STAB1: variants seen among roughly 807,000 people sequenced by gnomAD.
STAB1 encodes stabilin 1.
Under a neutral mutation model 332.4 loss-of-function variants are expected in STAB1, and 250 were observed. The observed-to-expected ratio is 0.75, with a 90% CI of 0.68 to 0.84. The LOEUF (loss-of-function observed/expected upper bound fraction) is 0.84, where lower values mean the gene tolerates loss of function less well. Among genes scored for constraint, STAB1 ranks in the 40% least tolerant of loss-of-function variants. The pLI is 0.00. For synonymous variants in STAB1, 1,475 were observed against 1,390.4 expected (o/e 1.06, Z -1.35); for missense variants, 3,249 against 3,489.7 (o/e 0.93, Z 1.74).
rs754763020 is a variant in STAB1, at chr3:52,517,549, G to A, written c.4564-1G>A. 6.2e-7 allele frequency: 1 copy of A among 1,612,618 alleles called. No individual in the cohort carries two copies. The highest frequency in any genetic ancestry group is 2.2e-5 in the East Asian group (1 of 44,858). ...GCCCCACTGATCAAGACTGGGGACA[G>A]GTCTCCTGCAGCTGCCGTGAGGGTT... On this transcript the variant is annotated splice_acceptor_variant, in intron 43 of 68. Coordinates refer to ENST00000321725, the MANE Select transcript of STAB1 (RefSeq NM_015136.3). LOFTEE classifies it high-confidence loss of function.
Position 52,512,360 on chromosome 3 carries a change from G to C in STAB1, c.2903G>C (p.Gly968Ala). Reference sequence around the variant, plus strand: ...CCCCAGGCCACCTGCCGGGCAGTGGGGGGAGGTCAGCGGGTCTGCACGTGC... The same window carrying C: ...CCCCAGGCCACCTGCCGGGCAGTGGCGGGAGGTCAGCGGGTCTGCACGTGC... ...CHGLATCRAV[G>A]GGQRVCTCPP... The change falls in exon 27 of 69, where the codon GGG (glycine) becomes GCG (alanine). Residue 968 changes from glycine (G) to alanine (A), a missense_variant. Coordinates refer to ENST00000321725, the MANE Select transcript of STAB1 (RefSeq NM_015136.3). The C allele has an allele frequency of 3.7e-6, 6 of 1,612,982 alleles. No individual in the cohort carries two copies. The highest frequency in any genetic ancestry group is 4.2e-6 in the Non-Finnish European group (5 of 1,179,722).
chr3:52,497,882 G>C (rs1412501174), intron 1 of STAB1, among the ~76,000 whole-genome samples: 2 of 152,186 alleles, frequency 1.3e-5, no homozygotes, highest in Non-Finnish European at 2.9e-5. Flanking sequence ...AACAGGACTG[G>C]AGTGAAGATG....
chr3:52,501,795 GC>G (rs1463831974), intron 3 of STAB1, 42 bp downstream of exon 3: 2 of 1,533,444 alleles, frequency 1.3e-6, no homozygotes, highest in Admixed American at 3.9e-5. Flanking sequence ...CTCCCACCCA[GC>G]CCCAGCTCTG....
At chr3:52,523,618 G>A (rs766540889) in intron 65 of STAB1, 34 bp from the exon 66 acceptor site, 17 of 1,612,620 alleles carry the variant, frequency 1.1e-5, no homozygotes, top group East Asian at 4.5e-5. Context: ...CCTGGCCCTC[G>A]CTCACAGTGG....
intron 18 of STAB1, 119 bp from the exon 19 acceptor site, chr3:52,507,494 G>T (rs1578379655): frequency 9.3e-7 from 1 of 1,080,278 alleles, no homozygotes; most frequent in East Asian, 2.6e-5. Context: ...CCAGTGCTGG[G>T]CTTCCTGTGG....
chr3:52,516,459 G>T lies in STAB1; in HGVS notation c.4240+8G>T, dbSNP rs371436011. ...GCCTCCGCTGTGACCAGAGTGAGTG[G>T]GTCCCAATGGGGAGGGGGCAGGTGG... On this transcript the variant is annotated splice_region_variant and intron_variant, in intron 39 of 68. Coordinates refer to ENST00000321725, the MANE Select transcript of STAB1 (RefSeq NM_015136.3). 38 of 1,613,344 alleles carry T rather than the reference G, an allele frequency of 2.4e-5. No individual in the cohort carries two copies. The Admixed American group carries it at 2.7e-4, about 11-fold the overall frequency.
rs1402411923 is a variant in STAB1, at chr3:52,516,361, G to A, written c.4150G>A (p.Asp1384Asn). 1 of 1,608,070 alleles carries A rather than the reference G, an allele frequency of 6.2e-7. No homozygotes were observed. The highest frequency in any genetic ancestry group is 8.5e-7 in the Non-Finnish European group (1 of 1,175,964). The change falls in exon 39 of 69, where the codon GAC (aspartate) becomes AAC (asparagine). Residue 1384 changes from aspartate to asparagine, a missense_variant. Asp to Asn is a conservative substitution (Grantham distance 23). Transcript: ENST00000321725. ...CCTCCTTTATACCACTGCAGTGTGT[G>A]ACTGTGCCCATGGGCTGTGCCAGGA... The part of the protein sequence containing the change: ...RYGPNCTGVC[D>N]CAHGLCQEGL...
At position 52,512,859 on chromosome 3, in the gene STAB1, G is replaced by C; in HGVS notation, c.3059G>C (p.Arg1020Pro). 6.2e-7 allele frequency: 1 copy of C among 1,610,824 alleles called. No homozygotes were observed. The highest frequency in any genetic ancestry group is 8.5e-7 in the Non-Finnish European group (1 of 1,179,900). The stretch of plus-strand genomic sequence containing the variant: ...GGCATCACGCTTCCTGCCGACCGCC[G>C]AGTCACAGCCCTGGTGCCCTCCGAG... ...SAGITLPADR[R>P]VTALVPSEAA... Residue 1020 changes from arginine to proline, a missense_variant, in exon 29 of 69, where the codon CGA becomes CCA. Transcript: ENST00000321725.
rs757372300 is a variant in STAB1 at position 52,522,186 on chromosome 3, C to T, written c.6421C>T (p.Arg2141Cys). The T allele has an allele frequency of 5.6e-6, 9 of 1,612,754 alleles. No individual in the cohort carries two copies. Among genetic ancestry groups the T allele is most frequent in the Admixed American group, 1.7e-5 (1 of 60,004 alleles). Residue 2141 changes from arginine (R) to cysteine (C), a missense_variant, in exon 59 of 69, where the codon CGC becomes TGC. Transcript: ENST00000321725. ...RARNPCTDGH[R>C]GGCSEHANCL... ...CCGCAACCCCTGCACAGATGGCCAC[C>T]GCGGGGGCTGCAGCGAGCACGCCAA...
At position 52,519,807 on chromosome 3, in the gene STAB1, A is replaced by G. The variant is rs73841303; in HGVS notation, c.5236-137A>G. The G allele has an allele frequency of 8.4e-5, 104 of 1,239,316 alleles. No individual in the cohort carries two copies. In the African/African-American group the frequency reaches 1.2e-3, roughly 14 times the overall value. The allele number at this position is 1,239,316 out of a possible 1,614,324, so 76.8% of individuals were successfully genotyped here. A position where few individuals can be genotyped will look rare whatever the true frequency, so the allele number is the denominator to read the frequency against. ...GTGCACAGTTGAGATGTGTGCACAC[A>G]CATGCCTGCCTGGGATGGTCACAGA... On this transcript the variant is annotated intron_variant, in intron 50 of 68. Coordinates refer to ENST00000321725, the MANE Select transcript of STAB1 (RefSeq NM_015136.3).
rs764404420 is a variant in STAB1 at position 52,512,958 on chromosome 3, G to A, written c.3158G>A (p.Arg1053Lys). The A allele has an allele frequency of 3.7e-6, 6 of 1,607,000 alleles. No individual in the cohort carries two copies. The highest frequency in any genetic ancestry group is 5.1e-6 in the Non-Finnish European group (6 of 1,176,564). ...LQPRTLPNLV[R>K]AHFLQGALFE... Reference sequence around the variant, plus strand: ...CCAAGGACGCTGCCGAACCTGGTCAGGTGGGGCCGCCATTGCCAGGCTGTG... The same window carrying A: ...CCAAGGACGCTGCCGAACCTGGTCAAGTGGGGCCGCCATTGCCAGGCTGTG... Residue 1053 changes from arginine (R) to lysine (K), a missense_variant and splice_region_variant, in exon 29 of 69, where the codon AGG (arginine) becomes AAG (lysine). Physicochemically the swap from Arg to Lys is conservative, Grantham distance 26 (BLOSUM62 2). Coordinates refer to ENST00000321725, the MANE Select transcript of STAB1 (RefSeq NM_015136.3).
At chr3:52,500,254 A>C (rs1407612653) in intron 1 of STAB1, among the ~76,000 whole-genome samples, 2 of 152,106 alleles carry the variant, frequency 1.3e-5, no homozygotes, top group African/African-American at 2.4e-5. Context: ...GCTGTCCCCT[A>C]GGCCAGGAGC....
rs1380844336 is a variant in STAB1, at chr3:52,520,298, T to C, written c.5499+8T>C. On this transcript the variant is annotated splice_region_variant and intron_variant, in intron 52 of 68. Coordinates refer to ENST00000321725, the MANE Select transcript of STAB1 (RefSeq NM_015136.3). ...TGCAGCCGAACGCGGGCCGTGAGTCTGGGGAGAGGGCTTGGATGAAGGGAG... is the reference window on the plus strand; with the variant it reads ...TGCAGCCGAACGCGGGCCGTGAGTCCGGGGAGAGGGCTTGGATGAAGGGAG... 6.2e-7 allele frequency: 1 copy of C among 1,612,894 alleles called. No homozygotes were observed. The highest frequency in any genetic ancestry group is 2.2e-5 in the East Asian group (1 of 44,894).
chr3:52,500,399 C>T (rs944719221), intron 1 of STAB1, among the ~76,000 whole-genome samples: 3 of 152,272 alleles, frequency 2.0e-5, no homozygotes, highest in African/African-American at 7.2e-5. Flanking sequence ...TCTCCTGTGA[C>T]TGCCCAGCCC....
At chr3:52,520,581 C>T in intron 53 of STAB1, 32 bp downstream of exon 53, 2 of 1,611,278 alleles carry the variant, frequency 1.2e-6, no homozygotes, top group Non-Finnish European at 1.7e-6. Context: ...CGGGCAGAAG[C>T]CCACCCCGCC....
Position 52,502,197 on chromosome 3 carries a change from C to T in STAB1, c.456C>T (p.Asp152=), listed in dbSNP as rs368822018. Residue 152 remains aspartate, a synonymous_variant, in exon 5 of 69, where the codon GAC becomes GAT. Transcript: ENST00000321725. ...FRGSACQECQ[D]PNRFGPDCQS... The stretch of plus-strand genomic sequence containing the variant: ...GCTCAGCCTGCCAGGAGTGCCAAGA[C>T]CCCAACCGGTTCGGGCCTGACTGCC... The T allele has an allele frequency of 6.2e-7, 1 of 1,613,138 alleles. No homozygotes were observed. Among genetic ancestry groups the T allele is most frequent in the African/African-American group, 1.3e-5 (1 of 74,894 alleles).
In STAB1 at chr3:52,520,137, A is replaced by C; in HGVS notation, c.5412+17A>C. On this transcript the variant is annotated intron_variant, in intron 51 of 68. Transcript: ENST00000321725. The stretch of plus-strand genomic sequence containing the variant: ...AATGTCGAGGTGGGTGCAGCCCCCA[A>C]CCTTGGTCTTCACTGCCTGCAGCTC... 1 of 1,611,660 alleles carries C rather than the reference A, an allele frequency of 6.2e-7. No homozygotes were observed. The highest frequency in any genetic ancestry group is 8.5e-7 in the Non-Finnish European group (1 of 1,179,230).
At position 52,522,405 on chromosome 3, in the gene STAB1, G is replaced by A; in HGVS notation, c.6541G>A (p.Val2181Met). 1 of 1,612,986 alleles carries A rather than the reference G, an allele frequency of 6.2e-7. No individual in the cohort carries two copies. Among genetic ancestry groups the A allele is most frequent in the African/African-American group, 1.3e-5 (1 of 75,050 alleles). The part of the protein sequence containing the change: ...LQCLEESEPP[V>M]DRCLGQPPPC... ...GTGTCTGGAGGAGTCGGAACCACCTGTGGACCGCTGCTTGGGCCAGCCACC... is the reference window on the plus strand; with the variant it reads ...GTGTCTGGAGGAGTCGGAACCACCTATGGACCGCTGCTTGGGCCAGCCACC... Residue 2181 changes from valine to methionine, a missense_variant, in exon 60 of 69, where the codon GTG (valine) becomes ATG (methionine). Val to Met is a conservative substitution (Grantham distance 21, BLOSUM62 1). Transcript: ENST00000321725.
intron 36 of STAB1, 25 bp from the exon 37 acceptor site, chr3:52,515,398 C>T (rs2078827096): frequency 1.2e-6 from 2 of 1,610,714 alleles, no homozygotes; most frequent in Non-Finnish European, 8.5e-7. Context: ...ACTGGCTGAC[C>T]CCTCCTGCCT....
Sources: gnomAD v4.1 joint callset for allele counts (sites outside exome capture counted in the v4.1 genomes callset) on GRCh38, gnomAD v4.1.1 for gene constraint, MANE v1.5 for transcripts, NCBI Gene and HGNC (gene_info 2026-07-23, HGNC 2026-07-21) for gene names.